The following ADSS1 variants were observed in gnomAD, a reference collection of about 807,000 sequenced individuals.
The protein encoded by ADSS1 is adenylosuccinate synthetase isozyme 1.
A neutral mutation model predicts 59.1 loss-of-function variants in ADSS1; 57 were observed. The ratio of observed to expected loss-of-function variants is 0.97; its 90% CI spans 0.78 to 1.20. ADSS1 has a LOEUF of 1.20. ADSS1 is among the 50% of genes most tolerant of loss of function. ADSS1 has a pLI of 0.00. For synonymous variants in ADSS1, 247 were observed against 249.4 expected (o/e 0.99, Z 0.09); for missense variants, 603 against 610.3 (o/e 0.99, Z 0.13).
intron 8 of ADSS1, 136 bp downstream of exon 8, chr14:104,741,379 C>A: frequency 8.5e-7 from 1 of 1,176,448 alleles, no homozygotes; most frequent in Non-Finnish European, 1.2e-6. Context: ...TCCATGCCCG[C>A]GGAAATGATC....
Position 104,734,690 on chromosome 14 carries a change from G to T in ADSS1, c.193-330G>T, listed in dbSNP as rs757136814. The stretch of plus-strand genomic sequence containing the variant: ...AATTCATGTTCTGTGGGAGGGTTAG[G>T]CCTCCTCATTCCTGCATGAGAGGAG... On this transcript the variant is annotated intron_variant, in intron 1 of 12. Transcript: ENST00000330877. Among the ~76,000 whole-genome samples the T allele has an allele frequency of 6.0e-4, 91 of 152,308 alleles. 1 individual carries two copies. The highest frequency in any genetic ancestry group is 7.9e-4 in the Non-Finnish European group (54 of 68,014).
chr14:104,729,479 C>A (rs990080088), intron 1 of ADSS1, among the ~76,000 whole-genome samples: 3 of 147,128 alleles, frequency 2.0e-5, no homozygotes, highest in African/African-American at 7.5e-5. Context: ...AGCATGGCGT[C>A]GGCGTGGGAG....
chr14:104,738,577 A>C (rs1595205850), intron 3 of ADSS1, 139 bp downstream of exon 3: 1 of 938,144 alleles, frequency 1.1e-6, no homozygotes. Context: ...CCAGCTCATC[A>C]CCCGCCGGCT....
In ADSS1 at chr14:104,740,537, A is replaced by T; in HGVS notation, c.477-64A>T. 6.8e-7 allele frequency: 1 copy of T among 1,480,872 alleles called. No individual in the cohort carries two copies. The highest frequency in any genetic ancestry group is 9.3e-7 in the Non-Finnish European group (1 of 1,071,444). The allele number at this position is 1,480,872 out of a possible 1,614,324, so 91.7% of individuals were successfully genotyped here. A position where few individuals can be genotyped will look rare whatever the true frequency, so the allele number is the denominator to read the frequency against. ...ATGAGCCGGCGGGGGTCATGGCCTCAGTGGGATGCCTGAGCTCCTCAGGGC... is the reference window on the plus strand; with the variant it reads ...ATGAGCCGGCGGGGGTCATGGCCTCTGTGGGATGCCTGAGCTCCTCAGGGC... On this transcript the variant is annotated intron_variant, in intron 5 of 12. Transcript: ENST00000330877. This position sits in a 1 kb window ranked among gnomAD's most constrained non-coding sequence, Gnocchi z 4.8.
intron 3 of ADSS1, among the ~76,000 whole-genome samples, 166 bp downstream of exon 3, chr14:104,738,604 C>T (rs1379835569): frequency 2.0e-5 from 3 of 152,244 alleles, no homozygotes; most frequent in African/African-American, 4.8e-5. Flanking sequence ...GCGCAGAAAG[C>T]GAGTGAGCTG....
intron 5 of ADSS1, 28 bp downstream of exon 5, chr14:104,739,844 CGGGGAGTCTTCT>C (rs1250654363): frequency 6.2e-7 from 1 of 1,612,312 alleles, no homozygotes. Flanking sequence ...CTCTCACCCT[CGGGGAGTCTTCT>C]GGGCCCGTAA....
intron 8 of ADSS1, among the ~76,000 whole-genome samples, 194 bp from the exon 9 acceptor site, chr14:104,741,654 T>C (rs1208095913): frequency 6.6e-6 from 1 of 152,160 alleles, no homozygotes; most frequent in Non-Finnish European, 1.5e-5. Flanking sequence ...CCCAGACTCT[T>C]TTGTGAGCCA....
Position 104,746,337 on chromosome 14 carries a change from C to G in ADSS1, c.1273C>G (p.Gln425Glu). The G allele has an allele frequency of 6.2e-7, 1 of 1,613,842 alleles. No homozygotes were observed. Among genetic ancestry groups the G allele is most frequent in the Non-Finnish European group, 8.5e-7 (1 of 1,179,978 alleles). ...GARRWEDLPP[Q>E]AQNYIRFVEN... ...CAGGAGGTGGGAGGACCTGCCCCCA[C>G]AGGCCCAGAACTACATCCGCTTTGT... The change falls in exon 12 of 13, where the codon CAG becomes GAG. Residue 425 changes from glutamine (Q) to glutamate (E), a missense_variant. Physicochemically the swap from Gln to Glu is conservative, Grantham distance 29. Transcript: ENST00000330877.
At chr14:104,743,529 G>A (rs935456126) in intron 10 of ADSS1, 1 of 266,062 alleles carries the variant, frequency 3.8e-6, no homozygotes, top group Middle Eastern at 1.4e-3. Context: ...CTAGAAGGAC[G>A]GCAGCATGGG....
rs564376341 is a variant in ADSS1, at chr14:104,741,183, G to T, written c.733G>T (p.Gly245Cys). The T allele has an allele frequency of 6.2e-7, 1 of 1,612,372 alleles. No homozygotes were observed. Among genetic ancestry groups the T allele is most frequent in the Admixed American group, 1.7e-5 (1 of 59,804 alleles). Residue 245 changes from glycine (G) to cysteine (C), a missense_variant, in exon 8 of 13, where the codon GGC becomes TGC. Transcript: ENST00000330877. ...TTACTTTATGTATGAGGCACTCCAC[G>T]GCCCCCCCAAGAAGATCCTGGTGGA... is the stretch of plus-strand genomic sequence containing the variant. Reference protein sequence around the residue: ...GVYFMYEALHGPPKKILVEGA... With the variant: ...GVYFMYEALHCPPKKILVEGA...
intron 10 of ADSS1, chr14:104,744,544 C>T (rs1434334909): frequency 2.5e-6 from 1 of 408,066 alleles, no homozygotes; most frequent in Non-Finnish European, 4.4e-6. Flanking sequence ...TGGCCTAGAT[C>T]CCTCGCATGC....
chr14:104,741,889 G>T lies in ADSS1; in HGVS notation c.835G>T (p.Gly279Cys), dbSNP rs574062486. 6.2e-7 allele frequency: 1 copy of T among 1,613,476 alleles called. No homozygotes were observed. The highest frequency in any genetic ancestry group is 8.5e-7 in the Non-Finnish European group (1 of 1,179,988). The change falls in exon 9 of 13, where the codon GGT (glycine) becomes TGT (cysteine). Residue 279 changes from glycine to cysteine, a missense_variant. Transcript: ENST00000330877. ...FVTSSNCTVG[G>C]VCTGLGIPPQ... ...GACTTCATCCAACTGCACCGTGGGC[G>T]GTGTGTGCACGGGCCTGGGCATCCC...
intron 11 of ADSS1, 176 bp from the exon 12 acceptor site, chr14:104,746,060 C>A: frequency 1.4e-6 from 1 of 732,426 alleles, no homozygotes; most frequent in Non-Finnish European, 2.2e-6. Flanking sequence ...CTGTCCCCTG[C>A]TTACCACCCA....
At chr14:104,745,057 T>G (rs1891506579) in intron 11 of ADSS1, 148 bp downstream of exon 11, 2 of 695,500 alleles carry the variant, frequency 2.9e-6, no homozygotes, top group Admixed American at 4.9e-5. Flanking sequence ...GCCTCCATCA[T>G]GGCTTTTGCC....
intron 1 of ADSS1, among the ~76,000 whole-genome samples, chr14:104,731,237 C>T (rs1890921710): frequency 6.6e-6 from 1 of 152,196 alleles, no homozygotes; most frequent in South Asian, 2.1e-4. Context: ...GGGCGCTTAC[C>T]TTAATCTACT....
intron 2 of ADSS1, among the ~76,000 whole-genome samples, chr14:104,735,702 C>T (rs971017635): frequency 6.6e-6 from 1 of 152,172 alleles, no homozygotes; most frequent in African/African-American, 2.4e-5. Flanking sequence ...TGGGTCCGGA[C>T]ACAGCTCCTC....
At chr14:104,733,186 C>T (rs1361251290) in intron 1 of ADSS1, among the ~76,000 whole-genome samples, 5 of 152,170 alleles carry the variant, frequency 3.3e-5, no homozygotes, top group African/African-American at 9.7e-5. Context: ...CATCTCTCCA[C>T]CTCCCAGGAT....
At chr14:104,746,904 C>T (rs1468384685) in intron 12 of ADSS1, 47 bp from the exon 13 acceptor site, 3 of 1,601,554 alleles carry the variant, frequency 1.9e-6, no homozygotes, top group Admixed American at 1.7e-5. Context: ...TTTTTCTGAA[C>T]TTTCTGCCTC....
intron 12 of ADSS1, 36 bp from the exon 13 acceptor site, chr14:104,746,915 C>T (rs774285478): frequency 2.7e-5 from 44 of 1,609,816 alleles, no homozygotes; most frequent in Non-Finnish European, 3.7e-5. Context: ...TTTCTGCCTC[C>T]AGTGTGTATC....
Sources: gnomAD v4.1 joint callset for allele counts (sites outside exome capture counted in the v4.1 genomes callset) on GRCh38, gnomAD v4.1.1 for gene constraint, Gnocchi (gnomAD v3.1) non-coding constraint, MANE v1.5 for transcripts, NCBI Gene and HGNC (gene_info 2026-07-23, HGNC 2026-07-21) for gene names.